Variants in SOHLH1 observed in about 807,000 individuals in gnomAD.
The protein encoded by SOHLH1 is spermatogenesis and oogenesis specific basic helix-loop-helix 1.
A neutral mutation model predicts 36.2 loss-of-function variants in SOHLH1; 23 were observed. That is an observed-to-expected ratio of 0.64 (90% CI 0.46 to 0.90). The LOEUF (loss-of-function observed/expected upper bound fraction) is 0.90. Among genes scored for constraint, SOHLH1 ranks in the 40% least tolerant of loss-of-function variants. The pLI, the probability that SOHLH1 is intolerant of heterozygous loss-of-function variation, is 0.00. For missense variants in SOHLH1, 608 were observed against 517.0 expected (o/e 1.18, Z -1.71); for synonymous variants, 289 against 228.3 (o/e 1.27, Z -2.40).
chr9:135,699,706 CTA>C (rs1382482875), upstream of SOHLH1, among the ~76,000 whole-genome samples: 3 of 152,154 alleles, frequency 2.0e-5, no homozygotes, highest in Non-Finnish European at 4.4e-5. Flanking sequence ...TCCACCCACT[CTA>C]TGCCCCCGCA....
rs745425989 is a variant in SOHLH1, at chr9:135,696,716, G to C, written c.557C>G (p.Ser186Cys). 6.2e-7 allele frequency: 1 copy of C among 1,613,064 alleles called. No homozygotes were observed. Among genetic ancestry groups the C allele is most frequent in the South Asian group, 1.1e-5 (1 of 91,084 alleles). ...GCTCGCGGGGTCCCACTGCCTGGAG[G>C]ACGCAAGGATGTGCGGCACGGGCTC... Reference protein sequence around the residue: ...SPEPVPHILASSRQWDPASCT... With the variant: ...SPEPVPHILACSRQWDPASCT... The change falls in exon 5 of 8, where the codon TCC (serine) becomes TGC (cysteine). Residue 186 changes from serine (S) to cysteine (C), a missense_variant. By Grantham distance (112) the Ser-to-Cys change is moderately radical. Transcript: ENST00000425225.
At chr9:135,694,052 C>G (rs761855803) in intron 7 of SOHLH1, 13 of 1,426,230 alleles carry the variant, frequency 9.1e-6, no homozygotes, top group Non-Finnish European at 1.2e-5. Context: ...GGAATGGACA[C>G]ACGCCATGTC....
chr9:135,701,453 C>T (rs1324329826), upstream of SOHLH1, among the ~76,000 whole-genome samples: 4 of 152,242 alleles, frequency 2.6e-5, no homozygotes, highest in East Asian at 1.9e-4. Context: ...TCGCAGTTCT[C>T]CAGAGCTCTG....
upstream of SOHLH1, among the ~76,000 whole-genome samples, chr9:135,700,502 G>A (rs192641777): frequency 6.6e-5 from 10 of 152,100 alleles, no homozygotes; most frequent in African/African-American, 2.2e-4. Flanking sequence ...TGCTGAGGTC[G>A]TAGCGGGAGG....
chr9:135,699,756 GCCTCTAC>G (rs147608315), upstream of SOHLH1, among the ~76,000 whole-genome samples: 2,563 of 152,108 alleles, frequency 0.017, 20 homozygotes, highest in African/African-American at 0.031. Context: ...AGGTGGCCCT[GCCTCTAC>G]CCTTACCTTC....
At chr9:135,694,517 G>A (rs1242221612) in intron 6 of SOHLH1, 60 bp from the exon 7 acceptor site, 1 of 1,594,792 alleles carries the variant, frequency 6.3e-7, no homozygotes, top group African/African-American at 1.3e-5. Flanking sequence ...GGAGCTCAAG[G>A]AAACATTTGG....
chr9:135,694,638 G>A (rs545960285), intron 6 of SOHLH1, among the ~76,000 whole-genome samples, 181 bp from the exon 7 acceptor site: 53 of 152,274 alleles, frequency 3.5e-4, no homozygotes, highest in Non-Finnish European at 2.2e-4. Flanking sequence ...CTGAGGACAC[G>A]GGCCAGCGGC....
chr9:135,698,880 G>A, intron 2 of SOHLH1, 115 bp downstream of exon 2: 1 of 1,467,780 alleles, frequency 6.8e-7, no homozygotes, highest in Non-Finnish European at 9.5e-7. Context: ...CCTTCTCCTG[G>A]GCACAGGCCA....
intron 1 of SOHLH1, 68 bp downstream of exon 1, chr9:135,699,335 C>T: frequency 1.3e-6 from 2 of 1,547,532 alleles, no homozygotes; most frequent in Non-Finnish European, 1.8e-6. Context: ...AGCCCAGCAA[C>T]TTGCGGAAGA....
At chr9:135,698,517 C>T in intron 2 of SOHLH1, 41 bp from the exon 3 acceptor site, 2 of 1,612,684 alleles carry the variant, frequency 1.2e-6, no homozygotes, top group Non-Finnish European at 1.7e-6. Context: ...GGCCCTCCTG[C>T]CCTCCCCGAG....
chr9:135,698,121 G>A (rs573521726), intron 3 of SOHLH1, among the ~76,000 whole-genome samples: 1 of 152,280 alleles, frequency 6.6e-6, no homozygotes, highest in Non-Finnish European at 1.5e-5. Context: ...TGGAAAGGAA[G>A]GCTTGCTCCT....
upstream of SOHLH1, among the ~76,000 whole-genome samples, chr9:135,701,411 C>T (rs1338738594): frequency 6.6e-6 from 1 of 152,236 alleles, no homozygotes; most frequent in Non-Finnish European, 1.5e-5. Flanking sequence ...CCTGGTCCAC[C>T]CTGCAAACCA....
At chr9:135,696,953 C>T in intron 4 of SOHLH1, 148 bp from the exon 5 acceptor site, 1 of 887,792 alleles carries the variant, frequency 1.1e-6, no homozygotes, top group African/African-American at 1.7e-5. Context: ...GCCCAGGGGC[C>T]CTGGGCCAGC....
upstream of SOHLH1, among the ~76,000 whole-genome samples, chr9:135,700,743 C>T (rs1022123525): frequency 1.3e-5 from 2 of 152,164 alleles, no homozygotes; most frequent in Non-Finnish European, 2.9e-5. Context: ...CTGCTCCGCC[C>T]AGCCTTGGCT....
intron 1 of SOHLH1, 24 bp from the exon 2 acceptor site, chr9:135,699,150 G>A (rs772944466): frequency 8.2e-6 from 13 of 1,576,586 alleles, no homozygotes; most frequent in Non-Finnish European, 1.0e-5. Context: ...CAAGAGCACC[G>A]GGCCCTGAGA....
Position 135,693,638 on chromosome 9 carries a change from C to A in SOHLH1, c.1123G>T (p.Asp375Tyr). 1.3e-6 allele frequency: 2 copies of A among 1,587,120 alleles called. No homozygotes were observed. The highest frequency in any genetic ancestry group is 2.3e-5 in the South Asian group (2 of 86,626). ...DVDCAGLALK[D>Y]EVESIFPDFF... ...TCAGGGAAGATGCTCTCCACCTCGT[C>A]CTTCAGGGCCAGGCCTGCACAGTCC... The change falls in exon 8 of 8, where the codon GAC becomes TAC. Residue 375 changes from aspartate (D) to tyrosine (Y), a missense_variant. Asp to Tyr is a radical substitution (Grantham distance 160, BLOSUM62 -3). Transcript: ENST00000425225.
upstream of SOHLH1, chr9:135,699,523 GC>G (rs1447771990): frequency 1.3e-6 from 2 of 1,560,656 alleles, no homozygotes; most frequent in East Asian, 2.3e-5. Context: ...AGGCAGCCCC[GC>G]CCCCTCACGT....
chr9:135,693,993 C>A (rs1834691715), intron 7 of SOHLH1, 179 bp from the exon 8 acceptor site: 1 of 1,428,854 alleles, frequency 7.0e-7, no homozygotes, highest in Non-Finnish European at 9.1e-7. Context: ...ACCCAGGACA[C>A]CTGTTGGACC....
chr9:135,698,854 GAGATGTGC>G, intron 2 of SOHLH1, 133 bp downstream of exon 2: 1 of 1,214,070 alleles, frequency 8.2e-7, no homozygotes, highest in Non-Finnish European at 1.2e-6. Context: ...GGTTTACTTG[GAGATGTGC>G]AGTCTGTCCT....
Sources: allele counts gnomAD v4.1 joint callset (sites outside exome capture counted in the v4.1 genomes callset), GRCh38; gene constraint gnomAD v4.1.1; transcripts MANE v1.5; gene names NCBI Gene and HGNC (gene_info 2026-07-23, HGNC 2026-07-21).